The following CFAP206 variants were observed in gnomAD, a reference collection of about 807,000 sequenced individuals.
CFAP206 encodes the protein cilia and flagella associated protein 206, also known as cilia- and flagella-associated protein 206.
Under a neutral mutation model 65.4 loss-of-function variants are expected in CFAP206, and 53 were observed. The observed-to-expected ratio is 0.81, with a 90% CI of 0.65 to 1.02. The LOEUF is 1.02. Among genes scored for constraint, CFAP206 ranks in the 50% least tolerant of loss-of-function variants. CFAP206 has a pLI of 0.00. For synonymous variants in CFAP206, 250 were observed against 254.4 expected, an observed-to-expected ratio of 0.98 and a Z score of 0.17; for missense variants, 663 against 753.2, an observed-to-expected ratio of 0.88 and a Z score of 1.40.
At chr6:87,455,292 G>T (rs189615424) in intron 11 of CFAP206, among the ~76,000 whole-genome samples, 21 of 152,240 alleles carry the variant, frequency 1.4e-4, no homozygotes, top group African/African-American at 4.3e-4. Context: ...TGGGTCAACA[G>T]AGGAATTAAG....
Position 87,447,157 on chromosome 6 carries a change from TTCTC to T in CFAP206, c.1494+12106_1494+12109del, listed in dbSNP as rs1412267581. Among the ~76,000 whole-genome samples the T allele has an allele frequency of 3.9e-5, 6 of 152,090 alleles. No individual in the cohort carries two copies. The East Asian group carries it at 1.2e-3, about 29-fold the overall frequency. ...ATCTGGAAACAGACAGTTTTACTTC[TTCTC>T]TATTTGAATATCCTTTATTTCTTTC... On this transcript the variant is annotated intron_variant, in intron 11 of 12. Coordinates refer to ENST00000369562, the MANE Select transcript of CFAP206 (RefSeq NM_001031743.3).
intron 11 of CFAP206, among the ~76,000 whole-genome samples, chr6:87,443,662 G>T (rs144072385): frequency 6.6e-6 from 1 of 152,244 alleles, no homozygotes; most frequent in Non-Finnish European, 1.5e-5. Flanking sequence ...GTGCAAAAGT[G>T]CAGGTTTGTT....
chr6:87,411,230 G>C (rs147633389), intron 3 of CFAP206, among the ~76,000 whole-genome samples: 1 of 146,476 alleles, frequency 6.8e-6, no homozygotes, highest in Non-Finnish European at 1.5e-5. Flanking sequence ...TAACTAGTTC[G>C]TCATATACTG....
chr6:87,421,611 G>A (rs997795226), intron 7 of CFAP206, among the ~76,000 whole-genome samples: 1 of 152,172 alleles, frequency 6.6e-6, no homozygotes, highest in African/African-American at 2.4e-5. Context: ...AGTGATGATC[G>A]TAGTTTTGTT....
chr6:87,450,571 CAAA>C (rs10678289), intron 11 of CFAP206, among the ~76,000 whole-genome samples: 1 of 120,920 alleles, frequency 8.3e-6, no homozygotes, highest in African/African-American at 3.1e-5. Context: ...CTACTTATGG[CAAA>C]AAAAAAAAAA....
In CFAP206 at chr6:87,454,771, G is replaced by A. The variant is rs186947362; in HGVS notation, c.1495-6251G>A. Among the ~76,000 whole-genome samples, 12 of 147,454 alleles carry A rather than the reference G, an allele frequency of 8.1e-5. No homozygotes were observed. The Admixed American group carries it at 8.1e-4, about 10-fold the overall frequency. ...GAGGCAGGAGAATTGCTTGAACCCG[G>A]GAGGCAGAGGCTACAGTGAGCTGAG... On this transcript the variant is annotated intron_variant, in intron 11 of 12. Transcript: ENST00000369562.
intron 9 of CFAP206, among the ~76,000 whole-genome samples, chr6:87,430,802 C>T (rs764437566): frequency 1.4e-4 from 21 of 152,312 alleles, no homozygotes; most frequent in Admixed American, 5.2e-4. Flanking sequence ...AATCCTACCT[C>T]CAAGTTTGCC....
chr6:87,424,567 G>C (rs543892704), intron 7 of CFAP206, among the ~76,000 whole-genome samples: 1 of 152,094 alleles, frequency 6.6e-6, no homozygotes, highest in Non-Finnish European at 1.5e-5. Context: ...GTGAGCCACC[G>C]TGCCTGGCCA....
At chr6:87,422,033 T>C (rs565186670) in intron 7 of CFAP206, among the ~76,000 whole-genome samples, 5 of 152,142 alleles carry the variant, frequency 3.3e-5, no homozygotes, top group African/African-American at 4.8e-5. Context: ...GTTTAAAAGG[T>C]AGGGGGAAGG....
chr6:87,417,867 T>C (rs750279600), intron 6 of CFAP206, among the ~76,000 whole-genome samples: 10 of 151,260 alleles, frequency 6.6e-5, no homozygotes, highest in Non-Finnish European at 1.3e-4. Flanking sequence ...GTGATTCTCC[T>C]GTGCTGGGAT....
In CFAP206 at chr6:87,428,805, T is replaced by C. The variant is rs1317554687; in HGVS notation, c.1140T>C (p.Cys380=). Residue 380 remains cysteine, a synonymous_variant, in exon 9 of 13, where the codon TGT becomes TGC. Transcript: ENST00000369562. ...LNGATVKTDV[C]RMKEHMEDRV... ...GAGCGACTGTGAAAACTGATGTGTGTAGAATGAAAGAACACATGGGTAATG... is the reference window on the plus strand; with the variant it reads ...GAGCGACTGTGAAAACTGATGTGTGCAGAATGAAAGAACACATGGGTAATG... The C allele has an allele frequency of 1.9e-6, 3 of 1,613,910 alleles. No homozygotes were observed. Among genetic ancestry groups the C allele is most frequent in the Non-Finnish European group, 2.5e-6 (3 of 1,179,750 alleles).
At chr6:87,450,476 TGTG>T (rs1385312384) in intron 11 of CFAP206, among the ~76,000 whole-genome samples, 5 of 21,174 alleles carry the variant, frequency 2.4e-4, no homozygotes, top group Non-Finnish European at 4.4e-4. Flanking sequence ...TAAATGAAAA[TGTG>T]TGTGTGTGTG....
intron 11 of CFAP206, among the ~76,000 whole-genome samples, chr6:87,449,813 A>G (rs1389561004): frequency 1.3e-5 from 2 of 152,072 alleles, no homozygotes; most frequent in African/African-American, 4.8e-5. Flanking sequence ...TGCTGTGCAG[A>G]AGCTTTTTAG....
chr6:87,444,618 C>T (rs930657658), intron 11 of CFAP206: 1 of 310,924 alleles, frequency 3.2e-6, no homozygotes, highest in Non-Finnish European at 6.2e-6. Flanking sequence ...ATTAACAGGC[C>T]TTCCCACAGG....
chr6:87,438,847 T>C (rs1015798498), intron 11 of CFAP206, among the ~76,000 whole-genome samples: 4 of 152,198 alleles, frequency 2.6e-5, no homozygotes, highest in Admixed American at 6.6e-5. Flanking sequence ...CCTAACACGA[T>C]TTACTAAATA....
chr6:87,452,605 A>G (rs1768564946), intron 11 of CFAP206, among the ~76,000 whole-genome samples: 1 of 152,158 alleles, frequency 6.6e-6, no homozygotes, highest in Non-Finnish European at 1.5e-5. Flanking sequence ...AGAGAAGGAA[A>G]TGAGAATCCC....
At chr6:87,429,473 G>C (rs915461962) in intron 9 of CFAP206, among the ~76,000 whole-genome samples, 1 of 152,082 alleles carries the variant, frequency 6.6e-6, no homozygotes, top group Non-Finnish European at 1.5e-5. Flanking sequence ...CATTTCTTTA[G>C]AATGTTATTT....
Position 87,413,858 on chromosome 6 carries a change from A to AT in CFAP206, c.243dup (p.Lys82Ter). The AT allele has an allele frequency of 6.4e-7, 1 of 1,560,290 alleles. No individual in the cohort carries two copies. The highest frequency in any genetic ancestry group is 8.6e-7 in the Non-Finnish European group (1 of 1,161,400). Reference sequence around the variant, plus strand: ...TACTAAAAATCCATCCCTGGACACTATTAAGATGCAAGTCTACTTCGATAT... The same window carrying AT: ...TACTAAAAATCCATCCCTGGACACTATTTAAGATGCAAGTCTACTTCGATAT... On this transcript the variant is annotated frameshift_variant, in exon 4 of 13. Coordinates refer to ENST00000369562, the MANE Select transcript of CFAP206 (RefSeq NM_001031743.3). LOFTEE classifies it high-confidence loss of function.
chr6:87,423,285 G>T (rs1411379880), intron 7 of CFAP206, among the ~76,000 whole-genome samples: 22 of 145,822 alleles, frequency 1.5e-4, no homozygotes, highest in Non-Finnish European at 2.4e-4. Context: ...GTCTCGCTCT[G>T]TCGCCCAGGC....
Sources: gnomAD v4.1 joint callset for allele counts (sites outside exome capture counted in the v4.1 genomes callset) on GRCh38, gnomAD v4.1.1 for gene constraint, MANE v1.5 for transcripts, NCBI Gene and HGNC (gene_info 2026-07-23, HGNC 2026-07-21) for gene names.